The following NPFFR1 variants were observed in gnomAD, a reference collection of about 807,000 sequenced individuals.
The protein encoded by NPFFR1 is neuropeptide FF receptor 1, also known as G-protein coupled receptor 147.
NPFFR1 carries 17 observed loss-of-function variants against 12.7 expected under a neutral mutation model. That is an observed-to-expected ratio of 1.34 (90% CI 0.92 to 2.01). The LOEUF (loss-of-function observed/expected upper bound fraction) is 2.01, where lower values mean the gene tolerates loss of function less well. NPFFR1 is among the 30% of genes most tolerant of loss of function. The pLI is 0.00. For missense variants in NPFFR1, 604 were observed against 606.5 expected (o/e 1.00, Z 0.04); for synonymous variants, 296 against 264.5 (o/e 1.12, Z -1.16).
Position 70,260,626 on chromosome 10 carries a change from A to G in NPFFR1, c.422+14T>C, listed in dbSNP as rs1208473917. The G allele has an allele frequency of 6.3e-7, 1 of 1,598,776 alleles. No individual in the cohort carries two copies. Among genetic ancestry groups the G allele is most frequent in the South Asian group, 1.1e-5 (1 of 88,574 alleles). Reference sequence around the variant, plus strand: ...TAGTTGGCTCAGGCATAATCCAGCCAGGAAACCTCTCACCTTTCCACAGCA... The same window carrying G: ...TAGTTGGCTCAGGCATAATCCAGCCGGGAAACCTCTCACCTTTCCACAGCA... On this transcript the variant is annotated intron_variant, in intron 3 of 3. Transcript: ENST00000277942.
intron 1 of NPFFR1, among the ~76,000 whole-genome samples, chr10:70,268,338 C>A (rs1300808869): frequency 1.3e-5 from 2 of 152,170 alleles, no homozygotes; most frequent in Non-Finnish European, 2.9e-5. Context: ...GTAATTATAT[C>A]ATTAAATAGC....
rs1188937113 is a variant in NPFFR1, at chr10:70,283,744, G to A, written c.-68C>T. The A allele has an allele frequency of 3.3e-6, 5 of 1,513,842 alleles. No individual in the cohort carries two copies. In the Admixed American group the frequency reaches 9.8e-5, roughly 30 times the overall value. 93.8% of individuals were successfully genotyped at this position (1,513,842 alleles called of 1,614,324 possible). ...GGCAGCGGGCCCCTTCGGGCCAGCGGGCAGAGGGACGGTCTCCGGGCACTT... is the reference window on the plus strand; with the variant it reads ...GGCAGCGGGCCCCTTCGGGCCAGCGAGCAGAGGGACGGTCTCCGGGCACTT... On this transcript the variant is annotated 5_prime_UTR_variant, in exon 1 of 4. Coordinates refer to ENST00000277942, the MANE Select transcript of NPFFR1 (RefSeq NM_022146.5).
chr10:70,264,206 T>G (rs1201841787), intron 2 of NPFFR1, among the ~76,000 whole-genome samples: 4 of 151,806 alleles, frequency 2.6e-5, no homozygotes, highest in Non-Finnish European at 5.9e-5. Context: ...AAACCCCATC[T>G]CTACTAAAAA....
Position 70,255,828 on chromosome 10 carries a change from C to G in NPFFR1, c.423-1G>C. On this transcript the variant is annotated splice_acceptor_variant, in intron 3 of 3. Transcript: ENST00000277942. LOFTEE classifies it high-confidence loss of function. This position sits in a 1 kb window ranked among gnomAD's most constrained non-coding sequence, Gnocchi z 4.2. Reference sequence around the variant, plus strand: ...GAAAGGGTGCACGATGCAGCGGAACCTGCCGCGGGGAGAGAGACAGGCGGG... The same window carrying G: ...GAAAGGGTGCACGATGCAGCGGAACGTGCCGCGGGGAGAGAGACAGGCGGG... The G allele has an allele frequency of 6.2e-7, 1 of 1,604,054 alleles. No individual in the cohort carries two copies. Among genetic ancestry groups the G allele is most frequent in the Non-Finnish European group, 8.5e-7 (1 of 1,175,252 alleles).
At chr10:70,258,171 C>G (rs1348557567) in intron 3 of NPFFR1, among the ~76,000 whole-genome samples, 1 of 152,142 alleles carries the variant, frequency 6.6e-6, no homozygotes, top group African/African-American at 2.4e-5. Context: ...AGTCTCTCAT[C>G]CCACCCGACT....
At position 70,255,141 on chromosome 10, in the gene NPFFR1, C is replaced by G. The variant is rs768606135; in HGVS notation, c.1109G>C (p.Arg370Thr). 1 of 1,532,912 alleles carries G rather than the reference C, an allele frequency of 6.5e-7. No homozygotes were observed. Among genetic ancestry groups the G allele is most frequent in the African/African-American group, 1.4e-5 (1 of 72,502 alleles). The allele number at this position is 1,532,912 out of a possible 1,614,324, so 95.0% of individuals were successfully genotyped here. The change falls in exon 4 of 4, where the codon AGG becomes ACG. Residue 370 changes from arginine to threonine, a missense_variant. Physicochemically the swap from Arg to Thr is moderately conservative, Grantham distance 71. Transcript: ENST00000277942. This position sits in a 1 kb window ranked among gnomAD's most constrained non-coding sequence, Gnocchi z 4.2. ...YSERPGGLLH[R>T]RVFVVVRPSD... ...GGGCCGCACCACCACGAAGACCCGC[C>G]TGTGCAGAAGCCCGCCGGGCCGCTC...
At position 70,252,290 on chromosome 10, in the gene NPFFR1, T is replaced by C. The variant is rs1483038696; in HGVS notation, c.*2667A>G. 1 of 152,206 alleles carries C rather than the reference T, an allele frequency of 6.6e-6. No individual in the cohort carries two copies. Among genetic ancestry groups the C allele is most frequent in the Non-Finnish European group, 1.5e-5 (1 of 68,032 alleles). 9.4% of individuals were successfully genotyped at this position (152,206 alleles called of 1,614,324 possible). ...AAGAAGCCAGTCAAAAAGGATAGTATTGTATGATTCCTCTTGTATAGAAGT... is the reference window on the plus strand; with the variant it reads ...AAGAAGCCAGTCAAAAAGGATAGTACTGTATGATTCCTCTTGTATAGAAGT... On this transcript the variant is annotated 3_prime_UTR_variant, in exon 4 of 4. Coordinates refer to ENST00000277942, the MANE Select transcript of NPFFR1 (RefSeq NM_022146.5).
chr10:70,265,742 C>T (rs1047300450), intron 2 of NPFFR1, among the ~76,000 whole-genome samples: 2 of 152,220 alleles, frequency 1.3e-5, no homozygotes, highest in African/African-American at 4.8e-5. Context: ...TGTGTAACTA[C>T]AGACCAGTTT....
chr10:70,255,772 C>A lies in NPFFR1; in HGVS notation c.478G>T (p.Val160Phe). Residue 160 changes from valine (V) to phenylalanine (F), a missense_variant, in exon 4 of 4, where the codon GTC becomes TTC. By Grantham distance (50) the Val-to-Phe change is conservative. Coordinates refer to ENST00000277942, the MANE Select transcript of NPFFR1 (RefSeq NM_022146.5). This position sits in a 1 kb window ranked among gnomAD's most constrained non-coding sequence, Gnocchi z 4.2. ...REKLTLRKAL[V>F]TIAVIWALAL... The stretch of plus-strand genomic sequence containing the variant: ...AGGGCCCAGATGACGGCGATGGTGA[C>A]GAGCGCCTTCCGCAGGGTCAGCTTC... 5 of 1,611,488 alleles carry A rather than the reference C, an allele frequency of 3.1e-6. No individual in the cohort carries two copies. The highest frequency in any genetic ancestry group is 4.2e-6 in the Non-Finnish European group (5 of 1,179,010).
intron 2 of NPFFR1, 71 bp downstream of exon 2, chr10:70,266,006 A>C (rs1840685028): frequency 7.0e-7 from 1 of 1,426,210 alleles, no homozygotes; most frequent in Non-Finnish European, 9.7e-7. Flanking sequence ...CTAAGCTTTG[A>C]TTTCCAGCCT....
At position 70,251,752 on chromosome 10, in the gene NPFFR1, C is replaced by T. The variant is rs1889398; in HGVS notation, c.*3205G>A. 0.91 allele frequency: 138,782 copies of T among 152,332 alleles called. 63,702 individuals carry two copies. Among genetic ancestry groups the T allele is most frequent in the Middle Eastern group, 1 (295 of 296 alleles). 9.4% of individuals were successfully genotyped at this position (152,332 alleles called of 1,614,324 possible). A position where few individuals can be genotyped will look rare whatever the true frequency, so the allele number is the denominator to read the frequency against. On this transcript the variant is annotated 3_prime_UTR_variant, in exon 4 of 4. Coordinates refer to ENST00000277942, the MANE Select transcript of NPFFR1 (RefSeq NM_022146.5). ...ATGGTCCACACCACTTGCCCGTGGG[C>T]GCCTAGGCTGCACAAGGCCCCGTCA...
chr10:70,260,638 A>G lies in NPFFR1; in HGVS notation c.422+2T>C, dbSNP rs761480313. 8 of 1,605,774 alleles carry G rather than the reference A, an allele frequency of 5.0e-6. No individual in the cohort carries two copies. The East Asian group carries it at 1.6e-4, about 32-fold the overall frequency. The stretch of plus-strand genomic sequence containing the variant: ...GCATAATCCAGCCAGGAAACCTCTC[A>G]CCTTTCCACAGCAATGGCCACCAGT... On this transcript the variant is annotated splice_donor_variant, in intron 3 of 3. Coordinates refer to ENST00000277942, the MANE Select transcript of NPFFR1 (RefSeq NM_022146.5). LOFTEE classifies it high-confidence loss of function.
Position 70,254,756 on chromosome 10 carries a change from G to C in NPFFR1, c.*201C>G. ...CAAGCCCACCACACAGGGCAAGTTG[G>C]TTCCTTCCCGTCCCCCGCATTTGCC... On this transcript the variant is annotated 3_prime_UTR_variant, in exon 4 of 4. Coordinates refer to ENST00000277942, the MANE Select transcript of NPFFR1 (RefSeq NM_022146.5). 1 of 509,782 alleles carries C rather than the reference G, an allele frequency of 2.0e-6. No homozygotes were observed. Among genetic ancestry groups the C allele is most frequent in the Non-Finnish European group, 3.1e-6 (1 of 320,802 alleles). The allele number at this position is 509,782 out of a possible 1,614,324, so 31.6% of individuals were successfully genotyped here. A position where few individuals can be genotyped will look rare whatever the true frequency, so the allele number is the denominator to read the frequency against.
intron 1 of NPFFR1, among the ~76,000 whole-genome samples, chr10:70,282,991 C>T (rs953604191): frequency 6.6e-6 from 1 of 152,148 alleles, no homozygotes; most frequent in Admixed American, 6.5e-5. Context: ...TCCCCAACAA[C>T]CCCACCCCTT....
At chr10:70,269,244 CCT>C (rs1376427619) in intron 1 of NPFFR1, among the ~76,000 whole-genome samples, 2 of 152,252 alleles carry the variant, frequency 1.3e-5, no homozygotes, top group Non-Finnish European at 2.9e-5. Flanking sequence ...TGTACCTCTG[CCT>C]CCTGGGCTCA....
intron 3 of NPFFR1, among the ~76,000 whole-genome samples, chr10:70,257,624 C>T (rs1840585395): frequency 6.6e-6 from 1 of 152,216 alleles, no homozygotes; most frequent in Non-Finnish European, 1.5e-5. Context: ...CTGACCGTCC[C>T]CCAGCCCAAC....
intron 1 of NPFFR1, among the ~76,000 whole-genome samples, chr10:70,273,067 C>CGTG (rs1840766271): frequency 1.3e-5 from 2 of 152,176 alleles, no homozygotes; most frequent in Non-Finnish European, 2.9e-5. Context: ...CAGAAGGAAA[C>CGTG]TGATACGTGT....
intron 1 of NPFFR1, among the ~76,000 whole-genome samples, chr10:70,279,930 C>T (rs954317330): frequency 1.3e-5 from 2 of 152,192 alleles, no homozygotes; most frequent in African/African-American, 4.8e-5. Context: ...CTCTCTGGTT[C>T]TATGAGTTCT....
intron 2 of NPFFR1, among the ~76,000 whole-genome samples, chr10:70,264,050 G>A (rs1426270975): frequency 2.6e-5 from 4 of 151,394 alleles, no homozygotes; most frequent in African/African-American, 7.3e-5. Context: ...CGTGCACTGC[G>A]CTCCAGCCTG....
Sources: allele counts gnomAD v4.1 joint callset (sites outside exome capture counted in the v4.1 genomes callset), GRCh38; gene constraint gnomAD v4.1.1; non-coding constraint Gnocchi (gnomAD v3.1); transcripts MANE v1.5; gene names NCBI Gene and HGNC (gene_info 2026-07-23, HGNC 2026-07-21).